DNA2: variants seen among roughly 807,000 people sequenced by gnomAD.
DNA2 encodes DNA replication helicase/nuclease 2.
DNA2 carries 101 observed loss-of-function variants against 119.1 expected under a neutral mutation model. The observed-to-expected ratio is 0.85, with a 90% CI of 0.72 to 1.00. DNA2 has a LOEUF of 1.00. Among genes scored for constraint, DNA2 ranks in the 50% least tolerant of loss-of-function variants. The pLI is 0.00. For synonymous variants in DNA2, 366 were observed against 424.4 expected (o/e 0.86, Z 1.69); for missense variants, 1,121 against 1,255.5 (o/e 0.89, Z 1.62).
chr10:68,457,123 G>C (rs2052195232), intron 5 of DNA2, among the ~76,000 whole-genome samples: 1 of 147,288 alleles, frequency 6.8e-6, no homozygotes, highest in Non-Finnish European at 1.5e-5. Context: ...AACAGAGCGA[G>C]ACTCCATCTC....
intron 14 of DNA2, among the ~76,000 whole-genome samples, chr10:68,427,142 G>A (rs1195961193): frequency 6.6e-6 from 1 of 151,968 alleles, no homozygotes; most frequent in Non-Finnish European, 1.5e-5. Context: ...GCTGAGGCAG[G>A]TGGATCACCT....
chr10:68,415,187 A>T lies in DNA2; in HGVS notation c.3115-80T>A, dbSNP rs531910275. On this transcript the variant is annotated intron_variant, in intron 20 of 20. Transcript: ENST00000358410. ...TGACATTATTATTTAACATTTTGTAATTTGACTTACAGGACCACAAAAAAA... is the reference window on the plus strand; with the variant it reads ...TGACATTATTATTTAACATTTTGTATTTTGACTTACAGGACCACAAAAAAA... 4.7e-4 allele frequency: 425 copies of T among 904,878 alleles called. 1 individual carries two copies. In the African/African-American group the frequency reaches 6.7e-3, roughly 14 times the overall value. 56.1% of individuals were successfully genotyped at this position (904,878 alleles called of 1,614,324 possible).
intron 17 of DNA2, among the ~76,000 whole-genome samples, chr10:68,420,115 A>G (rs2051645438): frequency 6.6e-6 from 1 of 152,226 alleles, no homozygotes; most frequent in Non-Finnish European, 1.5e-5. Flanking sequence ...AGGCTAAAAT[A>G]CCTACGAAAG....
rs60065153 is a variant in DNA2, at chr10:68,425,088, C to CTTTTT, written c.2209-2203_2209-2199dup. The CTTTTT allele has an allele frequency of 2.7e-3, 351 of 131,350 alleles. 2 individuals are homozygous for CTTTTT. Among genetic ancestry groups the CTTTTT allele is most frequent in the African/African-American group, 7.8e-3 (140 of 17,986 alleles). 8.1% of individuals were successfully genotyped at this position (131,350 alleles called of 1,614,324 possible). ...TTTTCAGAATGTCTCTGGAACATTT[C>CTTTTT]TTTTTTTTTTTTTTTTTTTTTTTTG... On this transcript the variant is annotated intron_variant, in intron 14 of 20. Coordinates refer to ENST00000358410, the MANE Select transcript of DNA2 (RefSeq NM_001080449.3).
intron 9 of DNA2, among the ~76,000 whole-genome samples, chr10:68,437,649 TCAAAAA>T (rs1339155314): frequency 3.4e-5 from 4 of 119,150 alleles, no homozygotes; most frequent in African/African-American, 1.2e-4. Context: ...AAACCACCTC[TCAAAAA>T]CAAAAACAAA....
In DNA2 at chr10:68,462,822, G is replaced by C. The variant is rs2133439815; in HGVS notation, c.587+2845C>G. On this transcript the variant is annotated intron_variant, in intron 4 of 20. Coordinates refer to ENST00000358410, the MANE Select transcript of DNA2 (RefSeq NM_001080449.3). ...AACAATGTATGTAAAGCACTTAGCT[G>C]ATGGTAAGCCCTCATTAAAGTATAG... Among the ~76,000 whole-genome samples the C allele has an allele frequency of 2.0e-5, 3 of 152,304 alleles. No individual in the cohort carries two copies. In the South Asian group the frequency reaches 6.2e-4, roughly 32 times the overall value.
intron 5 of DNA2, among the ~76,000 whole-genome samples, chr10:68,452,428 T>C (rs1590068287): frequency 1.3e-5 from 2 of 152,316 alleles, no homozygotes; most frequent in South Asian, 4.1e-4. Flanking sequence ...TCACGGTGTG[T>C]ATTCAGATAT....
intron 6 of DNA2, among the ~76,000 whole-genome samples, chr10:68,448,960 T>TGCGCGC (rs1232900347): frequency 3.2e-5 from 4 of 123,810 alleles, no homozygotes; most frequent in Non-Finnish European, 5.1e-5. Context: ...TGTGTGTGTG[T>TGCGCGC]GTGTGTGCGT....
At position 68,422,803 on chromosome 10, in the gene DNA2, G is replaced by C; in HGVS notation, c.2296C>G (p.Gln766Glu). ...FDFCIVDEASQISQPICLGPL... is the reference protein window; with the variant it reads ...FDFCIVDEASEISQPICLGPL... ...CCCAGACAAATTGGTTGGCTAATTTGAGAGGCTTCATCCACAATACAAAAA... is the reference window on the plus strand; with the variant it reads ...CCCAGACAAATTGGTTGGCTAATTTCAGAGGCTTCATCCACAATACAAAAA... The change falls in exon 15 of 21, where the codon CAA (glutamine) becomes GAA (glutamate). Residue 766 changes from glutamine to glutamate, a missense_variant. Gln to Glu is a conservative substitution (Grantham distance 29, BLOSUM62 2). Coordinates refer to ENST00000358410, the MANE Select transcript of DNA2 (RefSeq NM_001080449.3). The C allele has an allele frequency of 6.2e-7, 1 of 1,612,164 alleles. No individual in the cohort carries two copies. The highest frequency in any genetic ancestry group is 8.5e-7 in the Non-Finnish European group (1 of 1,179,550).
rs572410095 is a variant in DNA2, at chr10:68,461,918, C to A, written c.588-2683G>T. ...TTTCATCATTGCACTCCAGCCTGGG[C>A]AACAGAGAGACACCTTACCTCAAAA... On this transcript the variant is annotated intron_variant, in intron 4 of 20. Transcript: ENST00000358410. 2.7e-5 allele frequency among the ~76,000 whole-genome samples: 4 copies of A among 147,842 alleles called. No individual in the cohort carries two copies. In the South Asian group the frequency reaches 6.5e-4, roughly 24 times the overall value.
At chr10:68,437,325 T>A (rs1224216933) in intron 9 of DNA2, 84 bp from the exon 10 acceptor site, 3 of 1,148,102 alleles carry the variant, frequency 2.6e-6, no homozygotes, top group Non-Finnish European at 3.7e-6. Context: ...AACTTACTTG[T>A]TCATCTGACT....
intron 1 of DNA2, chr10:68,470,459 A>C: frequency 2.7e-6 from 1 of 364,146 alleles, no homozygotes; most frequent in South Asian, 2.3e-5. Flanking sequence ...GATTAAGAAT[A>C]AACTGGAAGC....
At chr10:68,438,091 C>A (rs1590058822) in intron 9 of DNA2, among the ~76,000 whole-genome samples, 2 of 152,302 alleles carry the variant, frequency 1.3e-5, no homozygotes, top group Admixed American at 6.5e-5. Context: ...GTTGCACCCA[C>A]AGGCTGGGAT....
chr10:68,443,245 A>G, intron 8 of DNA2, 134 bp from the exon 9 acceptor site: 1 of 774,490 alleles, frequency 1.3e-6, no homozygotes. Flanking sequence ...AATGTTCCTT[A>G]AAAGTCATTT....
At position 68,429,727 on chromosome 10, in the gene DNA2, A is replaced by AG. The variant is rs1369923996; in HGVS notation, c.2208+708_2208+709insC. Reference sequence around the variant, plus strand: ...ACTCCATCTCAAAAAAAAAAAAAAAAAAAAGAAAAAAAAATCTGTTAAGAA... The same window carrying AG: ...ACTCCATCTCAAAAAAAAAAAAAAAAGAAAAGAAAAAAAAATCTGTTAAGAA... On this transcript the variant is annotated intron_variant, in intron 14 of 20. Transcript: ENST00000358410. 1.2e-3 allele frequency among the ~76,000 whole-genome samples: 174 copies of AG among 148,064 alleles called. 1 individual carries two copies. The highest frequency in any genetic ancestry group is 3.8e-3 in the African/African-American group (155 of 40,492).
rs143774829 is a variant in DNA2, at chr10:68,423,172, TTTTG to T, written c.2209-286_2209-283del. ...TCAAGAGGTAATAAGTTAGTTCTTT[TTTTG>T]TTTGTTTGTTTGTTTGTTTAATGTC... is the stretch of plus-strand genomic sequence containing the variant. On this transcript the variant is annotated intron_variant, in intron 14 of 20. Transcript: ENST00000358410. 0.057 allele frequency among the ~76,000 whole-genome samples: 8,596 copies of T among 152,078 alleles called. 778 individuals are homozygous for T. The highest frequency in any genetic ancestry group is 0.19 in the African/African-American group (8,018 of 41,398).
chr10:68,464,171 G>A (rs2052296658), intron 4 of DNA2, among the ~76,000 whole-genome samples: 1 of 152,154 alleles, frequency 6.6e-6, no homozygotes, highest in Non-Finnish European at 1.5e-5. Flanking sequence ...ATTGCCAGTA[G>A]AAATGTAAAC....
rs185338709 is a variant in DNA2 at position 68,415,532 on chromosome 10, T to A, written c.3115-425A>T. Among the ~76,000 whole-genome samples the A allele has an allele frequency of 3.2e-3, 482 of 152,278 alleles. 3 individuals carry two copies. The highest frequency in any genetic ancestry group is 0.011 in the African/African-American group (459 of 41,552). On this transcript the variant is annotated intron_variant, in intron 20 of 20. Coordinates refer to ENST00000358410, the MANE Select transcript of DNA2 (RefSeq NM_001080449.3). ...CTCAGGTAGTCCGCCTGTCTCAGCC[T>A]CCCAAAGTGCTGGGATTACAAGCGT...
intron 10 of DNA2, among the ~76,000 whole-genome samples, chr10:68,433,510 T>C (rs1428586431): frequency 6.6e-6 from 1 of 152,216 alleles, no homozygotes; most frequent in Non-Finnish European, 1.5e-5. Context: ...ATTCTATTTA[T>C]TCAATAGAAT....
Sources: gnomAD v4.1 joint callset for allele counts (sites outside exome capture counted in the v4.1 genomes callset) on GRCh38, gnomAD v4.1.1 for gene constraint, MANE v1.5 for transcripts, NCBI Gene and HGNC (gene_info 2026-07-23, HGNC 2026-07-21) for gene names.